The following DCC variants were observed in gnomAD, a reference collection of about 807,000 sequenced individuals.
DCC encodes the protein netrin receptor DCC.
Under a neutral mutation model 172.5 loss-of-function variants are expected in DCC, and 58 were observed. The observed-to-expected ratio is 0.34, with a 90% confidence interval of 0.27 to 0.42. The LOEUF (loss-of-function observed/expected upper bound fraction) is 0.42, where lower values mean the gene tolerates loss of function less well. DCC is among the 10% of genes least tolerant of loss of function. The pLI, the probability that DCC is intolerant of heterozygous loss-of-function variation, is 1.00. For missense variants in DCC, 1,740 were observed against 1,791.0 expected (o/e 0.97, Z 0.51); for synonymous variants, 709 against 644.5 (o/e 1.10, Z -1.52).
chr18:52,948,938 T>C lies in DCC; in HGVS notation c.985+23568T>C, dbSNP rs73458996. Among the ~76,000 whole-genome samples, 227 of 152,298 alleles carry C rather than the reference T, an allele frequency of 1.5e-3. 1 individual carries two copies. The highest frequency in any genetic ancestry group is 5.4e-3 in the African/African-American group (223 of 41,572). On this transcript the variant is annotated intron_variant, in intron 5 of 28. Coordinates refer to ENST00000442544, the MANE Select transcript of DCC (RefSeq NM_005215.4). Reference sequence around the variant, plus strand: ...AAATCAAGGTTCAAACCCAGATCAGTGCAACTCTAGATGTCATGCTTGTAA... The same window carrying C: ...AAATCAAGGTTCAAACCCAGATCAGCGCAACTCTAGATGTCATGCTTGTAA...
intron 2 of DCC, among the ~76,000 whole-genome samples, chr18:52,789,553 C>A (rs76945211): frequency 6.6e-6 from 1 of 152,124 alleles, no homozygotes; most frequent in Non-Finnish European, 1.5e-5. Flanking sequence ...ACTTTAGCCA[C>A]GCTAAGCAGT....
rs751043662 is a variant in DCC at position 53,336,960 on chromosome 18, T to TA, written c.2165-2748dup. Among the ~76,000 whole-genome samples, 174 of 152,352 alleles carry TA rather than the reference T, an allele frequency of 1.1e-3. 2 individuals carry two copies. The highest frequency in any genetic ancestry group is 5.8e-3 in the Admixed American group (89 of 15,306). ...CGTACTAACATTTTTTTTCTAATGT[T>TA]AAAAATTATTTTGAGGCTTGCCTCT... On this transcript the variant is annotated intron_variant, in intron 14 of 28. Transcript: ENST00000442544.
At chr18:52,604,617 C>T (rs2034093964) in intron 1 of DCC, among the ~76,000 whole-genome samples, 2 of 152,100 alleles carry the variant, frequency 1.3e-5, no homozygotes, top group Admixed American at 1.3e-4. Context: ...AGTCCCCTCC[C>T]CAGATTTCCA....
At chr18:53,125,303 C>T (rs1013755323) in intron 7 of DCC, among the ~76,000 whole-genome samples, 2 of 151,948 alleles carry the variant, frequency 1.3e-5, no homozygotes, top group African/African-American at 4.8e-5. Context: ...AATTTCTTCT[C>T]CCATTAATAT....
rs905856877 is a variant in DCC at position 53,186,026 on chromosome 18, G to A, written c.1573+6910G>A. On this transcript the variant is annotated intron_variant, in intron 9 of 28. Transcript: ENST00000442544. Reference sequence around the variant, plus strand: ...TGAAAGTGAAGGACATAGCTTACTAGTTGCTTGGGTTGAACAGTGGTATAT... The same window carrying A: ...TGAAAGTGAAGGACATAGCTTACTAATTGCTTGGGTTGAACAGTGGTATAT... 1.1e-4 allele frequency among the ~76,000 whole-genome samples: 16 copies of A among 152,288 alleles called. No homozygotes were observed. In the South Asian group the frequency reaches 1.7e-3, roughly 16 times the overall value.
At chr18:53,005,065 T>G (rs1270867827) in intron 5 of DCC, among the ~76,000 whole-genome samples, 1 of 152,132 alleles carries the variant, frequency 6.6e-6, no homozygotes. Flanking sequence ...GCCCTTCCAC[T>G]TTTCACCATA....
At chr18:52,387,698 A>G (rs756220655) in intron 1 of DCC, among the ~76,000 whole-genome samples, 4 of 150,624 alleles carry the variant, frequency 2.7e-5, no homozygotes, top group Non-Finnish European at 4.4e-5. Flanking sequence ...AAGAAGAAGA[A>G]TGTGATATTT....
At chr18:53,486,729 G>A (rs2144361000) in intron 25 of DCC, 68 bp from the exon 26 acceptor site, 8 of 1,608,070 alleles carry the variant, frequency 5.0e-6, no homozygotes, top group African/African-American at 2.7e-5. Context: ...AAATTCCACC[G>A]TTTTCTTTTT....
intron 1 of DCC, among the ~76,000 whole-genome samples, chr18:52,687,710 C>A (rs1437479688): frequency 6.6e-6 from 1 of 152,068 alleles, no homozygotes; most frequent in African/African-American, 2.4e-5. Flanking sequence ...AGTTTTAAAA[C>A]TCAAAGCCAA....
intron 15 of DCC, among the ~76,000 whole-genome samples, chr18:53,348,215 A>T (rs561342308): frequency 3.9e-5 from 6 of 152,208 alleles, no homozygotes; most frequent in Non-Finnish European, 8.8e-5. Flanking sequence ...GACATCGGGT[A>T]AATACAGCCA....
chr18:52,914,948 T>C (rs2040019494), intron 3 of DCC, among the ~76,000 whole-genome samples: 1 of 152,094 alleles, frequency 6.6e-6, no homozygotes, highest in Non-Finnish European at 1.5e-5. Context: ...GTGTTTGATA[T>C]TCCATGGAGG....
intron 1 of DCC, among the ~76,000 whole-genome samples, chr18:52,384,940 A>T (rs952701165): frequency 6.6e-6 from 1 of 152,160 alleles, no homozygotes; most frequent in Non-Finnish European, 1.5e-5. Flanking sequence ...AAACATGAAG[A>T]ACTAATCTTA....
intron 13 of DCC, among the ~76,000 whole-genome samples, chr18:53,320,924 G>A (rs956213886): frequency 6.6e-6 from 1 of 152,128 alleles, no homozygotes; most frequent in Admixed American, 6.5e-5. Context: ...AGAAATTTGT[G>A]TTATAGATAT....
chr18:52,805,640 G>A (rs1361837563), intron 2 of DCC, among the ~76,000 whole-genome samples: 1 of 152,158 alleles, frequency 6.6e-6, no homozygotes, highest in East Asian at 1.9e-4. Context: ...TTGATTTAAA[G>A]TCTACCAAAG....
At chr18:52,636,649 A>G (rs2034786225) in intron 1 of DCC, among the ~76,000 whole-genome samples, 1 of 151,904 alleles carries the variant, frequency 6.6e-6, no homozygotes, top group Non-Finnish European at 1.5e-5. Context: ...TACAACTCCC[A>G]TCTCCCACAG....
At chr18:53,076,162 G>A (rs987578739) in intron 7 of DCC, among the ~76,000 whole-genome samples, 11 of 152,138 alleles carry the variant, frequency 7.2e-5, no homozygotes, top group South Asian at 2.1e-4. Flanking sequence ...GGCACAAGAC[G>A]TATGATACAA....
chr18:52,499,433 G>C (rs1248574410), intron 1 of DCC, among the ~76,000 whole-genome samples: 1 of 152,178 alleles, frequency 6.6e-6, no homozygotes, highest in Admixed American at 6.6e-5. Context: ...GTCCTCTGTA[G>C]TATCAGGCAC....
chr18:52,937,661 A>AT (rs908290734), intron 5 of DCC, among the ~76,000 whole-genome samples: 1 of 151,874 alleles, frequency 6.6e-6, no homozygotes, highest in Admixed American at 6.6e-5. Context: ...TTTAAAAAAA[A>AT]TTTTTTTGTA....
chr18:53,402,853 G>A lies in DCC; in HGVS notation c.2895G>A (p.Val965=), dbSNP rs763219997. Residue 965 remains valine, a synonymous_variant, in exon 19 of 29, where the codon GTG becomes GTA. Coordinates refer to ENST00000442544, the MANE Select transcript of DCC (RefSeq NM_005215.4). ...AAGGGAAGCCTCGTGCCGTCATTGT[G>A]AGTTGGCAGCCTCCCTTGGAAGCCA... ...TREGKPRAVI[V]SWQPPLEANG... 6.2e-7 allele frequency: 1 copy of A among 1,614,072 alleles called. No individual in the cohort carries two copies. Among genetic ancestry groups the A allele is most frequent in the Non-Finnish European group, 8.5e-7 (1 of 1,179,972 alleles).
Sources: gnomAD v4.1 joint callset for allele counts (sites outside exome capture counted in the v4.1 genomes callset) on GRCh38, gnomAD v4.1.1 for gene constraint, MANE v1.5 for transcripts, NCBI Gene and HGNC (gene_info 2026-07-23, HGNC 2026-07-21) for gene names.